Variants in STK39 observed in about 807,000 individuals in gnomAD.
The protein encoded by STK39 is serine/threonine kinase 39.
In STK39, 20 loss-of-function variants were observed where a neutral mutation model predicts 77.8. That is an observed-to-expected ratio of 0.26 (90% confidence interval 0.18 to 0.37). STK39 has a LOEUF of 0.37. Among genes scored for constraint, STK39 ranks in the 10% least tolerant of loss-of-function variants. STK39 has a pLI of 1.00. For missense variants in STK39, 479 were observed against 656.5 expected (o/e 0.73, Z 2.95); for synonymous variants, 246 against 234.1 (o/e 1.05, Z -0.47).
chr2:168,075,271 A>T (rs1418541884), intron 10 of STK39, 40 bp from the exon 11 acceptor site: 1 of 1,610,356 alleles, frequency 6.2e-7, no homozygotes, highest in Admixed American at 1.7e-5. Context: ...CACTAGTCAA[A>T]TGTGAACCAT....
intron 5 of STK39, among the ~76,000 whole-genome samples, chr2:168,148,597 A>T (rs1688202633): frequency 6.6e-6 from 1 of 152,102 alleles, no homozygotes; most frequent in African/African-American, 2.4e-5. Context: ...AGCCACCCAC[A>T]CTCACTGAGC....
chr2:168,177,322 A>C (rs1008145389), intron 2 of STK39, among the ~76,000 whole-genome samples: 1 of 152,078 alleles, frequency 6.6e-6, no homozygotes, highest in Non-Finnish European at 1.5e-5. Context: ...CCTGAGAATT[A>C]AACTGTAAAT....
intron 5 of STK39, among the ~76,000 whole-genome samples, chr2:168,148,446 G>A (rs754768066): frequency 1.3e-5 from 2 of 152,188 alleles, no homozygotes; most frequent in South Asian, 2.1e-4. Context: ...AGGAGGCAGA[G>A]GGATAACTTA....
chr2:168,127,854 G>C (rs1458339138), intron 10 of STK39, among the ~76,000 whole-genome samples: 2 of 152,158 alleles, frequency 1.3e-5, no homozygotes, highest in African/African-American at 2.4e-5. Context: ...TGGAGAAAAA[G>C]GTTTCAACCA....
chr2:167,986,274 C>T (rs1212287725), intron 16 of STK39, among the ~76,000 whole-genome samples: 1 of 152,116 alleles, frequency 6.6e-6, no homozygotes, highest in African/African-American at 2.4e-5. Flanking sequence ...AATAAGACAG[C>T]CTGCAGTGAG....
chr2:168,237,352 A>G (rs1207961333), intron 1 of STK39, among the ~76,000 whole-genome samples: 4 of 152,146 alleles, frequency 2.6e-5, no homozygotes, highest in Admixed American at 1.3e-4. Flanking sequence ...GGGCTGAGAC[A>G]ATGGGGTTTT....
At chr2:168,025,919 A>G (rs1268460095) in intron 14 of STK39, among the ~76,000 whole-genome samples, 2 of 152,170 alleles carry the variant, frequency 1.3e-5, no homozygotes, top group African/African-American at 2.4e-5. Flanking sequence ...GCTGAGCCCA[A>G]TTTGGAGTTA....
At chr2:168,003,768 G>C (rs61652912) in intron 16 of STK39, among the ~76,000 whole-genome samples, 2 of 152,156 alleles carry the variant, frequency 1.3e-5, no homozygotes, top group African/African-American at 2.4e-5. Context: ...AACCCAGAAA[G>C]GGCTTAAGGA....
intron 14 of STK39, among the ~76,000 whole-genome samples, chr2:168,018,538 A>AAAAGAAAAG (rs1684480669): frequency 7.0e-5 from 6 of 85,430 alleles, no homozygotes; most frequent in Admixed American, 6.0e-4. Flanking sequence ...GAAAAGAAAG[A>AAAAGAAAAG]AAAGAAAGAA....
chr2:168,169,037 C>CT (rs1339013511), intron 2 of STK39, among the ~76,000 whole-genome samples: 1 of 152,156 alleles, frequency 6.6e-6, no homozygotes, highest in African/African-American at 2.4e-5. Flanking sequence ...AGATAAACTC[C>CT]TTAGAAACTA....
rs1469973148 is a variant in STK39, at chr2:168,039,358, C to T, written c.1377-22263G>A. On this transcript the variant is annotated intron_variant, in intron 14 of 17. Transcript: ENST00000355999. ...CTGTAATCCCAGCACTTTGGGAGGCCGAGGCGGGTGGATCATGAGGTCAGG... is the reference window on the plus strand; with the variant it reads ...CTGTAATCCCAGCACTTTGGGAGGCTGAGGCGGGTGGATCATGAGGTCAGG... 1.6e-4 allele frequency among the ~76,000 whole-genome samples: 3 copies of T among 18,890 alleles called. 1 individual carries two copies. The highest frequency in any genetic ancestry group is 4.2e-4 in the Non-Finnish European group (2 of 4,780). The allele number at this position is 18,890 out of a possible 152,430, so 12.4% of individuals were successfully genotyped here.
At chr2:168,057,165 C>T (rs1300887821) in intron 14 of STK39, among the ~76,000 whole-genome samples, 1 of 152,156 alleles carries the variant, frequency 6.6e-6, no homozygotes, top group Non-Finnish European at 1.5e-5. Flanking sequence ...CATGGCTATG[C>T]TCACAGAATC....
At chr2:168,068,754 A>T (rs1282614883) in intron 12 of STK39, among the ~76,000 whole-genome samples, 1 of 152,254 alleles carries the variant, frequency 6.6e-6, no homozygotes, top group African/African-American at 2.4e-5. Context: ...AACACCTTTT[A>T]GAAAGTGGTA....
intron 1 of STK39, among the ~76,000 whole-genome samples, chr2:168,198,667 C>T (rs940405895): frequency 1.3e-5 from 2 of 152,190 alleles, no homozygotes; most frequent in Non-Finnish European, 2.9e-5. Context: ...TTTGTCCTCA[C>T]TGGCAAATCA....
At chr2:168,216,705 G>A (rs1021900921) in intron 1 of STK39, among the ~76,000 whole-genome samples, 1 of 152,180 alleles carries the variant, frequency 6.6e-6, no homozygotes, top group African/African-American at 2.4e-5. Flanking sequence ...TTCAAAAGAA[G>A]ACATTATTCG....
chr2:168,089,363 TC>T (rs1411541455), intron 10 of STK39, among the ~76,000 whole-genome samples: 3 of 152,198 alleles, frequency 2.0e-5, no homozygotes, highest in African/African-American at 7.2e-5. Flanking sequence ...AAAACATACT[TC>T]TTTTAAAAAA....
At chr2:168,117,934 T>C (rs1687300328) in intron 10 of STK39, among the ~76,000 whole-genome samples, 2 of 152,048 alleles carry the variant, frequency 1.3e-5, no homozygotes, top group Admixed American at 1.3e-4. Flanking sequence ...ACAACTATAG[T>C]AGAGTTTTGA....
intron 14 of STK39, among the ~76,000 whole-genome samples, chr2:168,053,697 A>AT (rs892946983): frequency 6.6e-5 from 10 of 152,270 alleles, no homozygotes; most frequent in Admixed American, 3.9e-4. Context: ...CCTTATACCA[A>AT]TTTTTTCTGA....
At chr2:168,131,001 T>C (rs6736854) in intron 8 of STK39, among the ~76,000 whole-genome samples, 58,530 of 152,136 alleles carry the variant, frequency 0.38, 12,036 homozygotes, top group South Asian at 0.53. Flanking sequence ...AAAGGACATT[T>C]GGGAATCATT....
Sources: allele counts gnomAD v4.1 joint callset (sites outside exome capture counted in the v4.1 genomes callset), GRCh38; gene constraint gnomAD v4.1.1; transcripts MANE v1.5; gene names NCBI Gene and HGNC (gene_info 2026-07-23, HGNC 2026-07-21).